Variants in IGHMBP2 observed in about 807,000 individuals in gnomAD.
The protein encoded by IGHMBP2 is immunoglobulin mu DNA binding protein 2, also known as DNA-binding protein SMUBP-2.
IGHMBP2 carries 81 observed loss-of-function variants against 96.0 expected under a neutral mutation model. That is an observed-to-expected ratio of 0.84 (90% CI 0.71 to 1.01). The LOEUF (loss-of-function observed/expected upper bound fraction) is 1.01, where lower values mean the gene tolerates loss of function less well. Among genes scored for constraint, IGHMBP2 ranks in the 50% least tolerant of loss-of-function variants. The probability of loss-of-function intolerance (pLI) is 0.00; values close to 1 mark genes in which losing one functional copy is unlikely to be tolerated. For missense variants in IGHMBP2, 1,227 were observed against 1,306.3 expected, an observed-to-expected ratio of 0.94 and a Z score of 0.94; for synonymous variants, 557 against 548.9, an observed-to-expected ratio of 1.01 and a Z score of -0.21.
chr11:68,928,754 TG>T (rs905668799), intron 7 of IGHMBP2, among the ~76,000 whole-genome samples: 2 of 150,038 alleles, frequency 1.3e-5, no homozygotes, highest in African/African-American at 5.1e-5. Context: ...GCAGTGGGTT[TG>T]TGTTGCCAAA....
intron 4 of IGHMBP2, among the ~76,000 whole-genome samples, chr11:68,909,164 A>T (rs1308574590): frequency 1.2e-4 from 10 of 86,144 alleles, no homozygotes; most frequent in South Asian, 5.0e-4. Flanking sequence ...AGTTAAAAAA[A>T]TTTTTTTTTG....
At position 68,936,980 on chromosome 11, in the gene IGHMBP2, C is replaced by G. The variant is rs1419805864; in HGVS notation, c.2500C>G (p.His834Asp). The G allele has an allele frequency of 6.2e-7, 1 of 1,608,358 alleles. No individual in the cohort carries two copies. The highest frequency in any genetic ancestry group is 1.1e-5 in the South Asian group (1 of 90,730). Residue 834 changes from histidine to aspartate, a missense_variant, in exon 13 of 15, where the codon CAC becomes GAC. By Grantham distance (81) the His-to-Asp change is moderately conservative. This residue lies in a region of IGHMBP2 where 703 missense variants were observed against 770.3 expected (regional missense o/e 0.91). Transcript: ENST00000255078. ...AGACCAGCCTGATCTGAGGACGCTG[C>G]ACCTGGAGAGACTGCAGAGGGTCAG... ...GPDQPDLRTL[H>D]LERLQRVRSA...
intron 7 of IGHMBP2, among the ~76,000 whole-genome samples, chr11:68,928,671 G>A (rs1201975045): frequency 5.9e-5 from 9 of 152,168 alleles, no homozygotes; most frequent in African/African-American, 7.2e-5. Context: ...TGGAGACAGC[G>A]TGGGGCCTGA....
chr11:68,909,634 T>C (rs1336044873), intron 4 of IGHMBP2, among the ~76,000 whole-genome samples: 2 of 151,564 alleles, frequency 1.3e-5, no homozygotes, highest in East Asian at 1.9e-4. Flanking sequence ...AAAATCTTTT[T>C]TTTTTTTTTT....
At chr11:68,914,561 G>A (rs1286865016) in intron 5 of IGHMBP2, among the ~76,000 whole-genome samples, 1 of 152,168 alleles carries the variant, frequency 6.6e-6, no homozygotes, top group Non-Finnish European at 1.5e-5. Flanking sequence ...GCCGTCTATA[G>A]GTGGCTTATG....
At chr11:68,929,509 A>T in intron 8 of IGHMBP2, 152 bp downstream of exon 8, 1 of 791,284 alleles carries the variant, frequency 1.3e-6, no homozygotes, top group East Asian at 2.7e-5. Flanking sequence ...GCATTCATTC[A>T]TCTCAACGTC....
chr11:68,916,732 G>A (rs907724519), intron 6 of IGHMBP2, among the ~76,000 whole-genome samples: 15 of 152,128 alleles, frequency 9.9e-5, no homozygotes, highest in Non-Finnish European at 1.9e-4. Context: ...GCATGGCAGC[G>A]TGGGGATGGG....
At chr11:68,914,541 C>T (rs535434415) in intron 5 of IGHMBP2, among the ~76,000 whole-genome samples, 1 of 152,172 alleles carries the variant, frequency 6.6e-6, no homozygotes, top group Non-Finnish European at 1.5e-5. Flanking sequence ...ACAGGGTGCT[C>T]TCTTAGTTTG....
intron 5 of IGHMBP2, 148 bp downstream of exon 5, chr11:68,911,751 C>G (rs1858444917): frequency 4.9e-6 from 4 of 813,144 alleles, no homozygotes; most frequent in Non-Finnish European, 8.2e-6. Flanking sequence ...TTGGACTGCC[C>G]CTGTTTGATT....
chr11:68,935,192 A>G, intron 11 of IGHMBP2, 107 bp from the exon 12 acceptor site: 2 of 1,464,862 alleles, frequency 1.4e-6, no homozygotes, highest in Non-Finnish European at 1.9e-6. Flanking sequence ...TCCGCTTCCC[A>G]GGTCCTGGCT....
At position 68,914,963 on chromosome 11, in the gene IGHMBP2, A is replaced by G. The variant is rs1223143521; in HGVS notation, c.852A>G (p.Leu284=). ...AGCAGCACTCCCTGGATGCGGTTTT[A>G]GCGCGGAGCGACAGTGCCCAGATTG... ...SIQQHSLDAV[L]ARSDSAQIVA... is the part of the protein sequence containing the mutation. Residue 284 remains leucine, a synonymous_variant, in exon 6 of 15, where the codon TTA becomes TTG. Transcript: ENST00000255078. The G allele has an allele frequency of 6.2e-7, 1 of 1,614,152 alleles. No homozygotes were observed. Among genetic ancestry groups the G allele is most frequent in the South Asian group, 1.1e-5 (1 of 91,078 alleles).
intron 14 of IGHMBP2, 22 bp downstream of exon 14, chr11:68,938,376 C>G (rs755246217): frequency 6.3e-7 from 1 of 1,590,332 alleles, no homozygotes; most frequent in South Asian, 1.1e-5. Flanking sequence ...TCCCCTCCTG[C>G]GATCAAACAG....
At chr11:68,915,166 CTT>C (rs71043470) in intron 6 of IGHMBP2, 143 bp downstream of exon 6, 1,876 of 204,630 alleles carry the variant, frequency 9.2e-3, no homozygotes, top group South Asian at 0.022. Context: ...TTGGGCTGCC[CTT>C]TTTTTTTTTT....
At chr11:68,920,371 A>G (rs1858834651) in intron 7 of IGHMBP2, among the ~76,000 whole-genome samples, 1 of 152,374 alleles carries the variant, frequency 6.6e-6, no homozygotes, top group South Asian at 2.1e-4. Context: ...TGCTGGGATT[A>G]ACAGGCGTGA....
At chr11:68,915,671 C>T (rs1858634551) in intron 6 of IGHMBP2, among the ~76,000 whole-genome samples, 1 of 150,574 alleles carries the variant, frequency 6.6e-6, no homozygotes, top group Non-Finnish European at 1.5e-5. Flanking sequence ...TTAGTAGAGA[C>T]GGGGGTTTCG....
intron 1 of IGHMBP2, among the ~76,000 whole-genome samples, chr11:68,904,363 C>G (rs1016153019): frequency 6.6e-6 from 1 of 152,160 alleles, no homozygotes; most frequent in African/African-American, 2.4e-5. Context: ...CTTATTCATT[C>G]AGTAAACATG....
intron 5 of IGHMBP2, among the ~76,000 whole-genome samples, chr11:68,914,376 T>C (rs1858564643): frequency 6.6e-6 from 1 of 151,788 alleles, no homozygotes; most frequent in African/African-American, 2.4e-5. Flanking sequence ...ACGGGAAGGG[T>C]TCCCTTGTCC....
At position 68,936,800 on chromosome 11, in the gene IGHMBP2, G is replaced by C. The variant is rs1311240840; in HGVS notation, c.2320G>C (p.Glu774Gln). The C allele has an allele frequency of 6.2e-7, 1 of 1,613,910 alleles. No individual in the cohort carries two copies. Among genetic ancestry groups the C allele is most frequent in the Non-Finnish European group, 8.5e-7 (1 of 1,180,046 alleles). ...CGGGCTGAGGCACGACAGTTCCGGG[G>C]AAGGGAAGAGGAGGTTCATCACTGT... is the stretch of plus-strand genomic sequence containing the variant. ...EHGLRHDSSG[E>Q]GKRRFITVSK... is the part of the protein sequence containing the mutation. The change falls in exon 13 of 15, where the codon GAA becomes CAA. Residue 774 changes from glutamate (E) to glutamine (Q), a missense_variant. Glu to Gln is a conservative substitution (Grantham distance 29). Around this residue, in one of 3 missense-constraint regions of IGHMBP2, gnomAD observed 703 missense variants for 770.3 expected, o/e 0.91. Transcript: ENST00000255078.
chr11:68,930,438 T>A, intron 8 of IGHMBP2: 1 of 1,289,178 alleles, frequency 7.8e-7, no homozygotes. Context: ...TTGGCGGGTA[T>A]GTAGAGAGAG....
Sources: gnomAD v4.1 joint callset for allele counts (sites outside exome capture counted in the v4.1 genomes callset) on GRCh38, gnomAD v4.1.1 for gene constraint, gnomAD v4.1.1 regional missense constraint, MANE v1.5 for transcripts, NCBI Gene and HGNC (gene_info 2026-07-23, HGNC 2026-07-21) for gene names.